Variants in ALDH18A1 observed in about 807,000 individuals in gnomAD.
ALDH18A1 encodes the protein delta-1-pyrroline-5-carboxylate synthase.
Under a neutral mutation model 88.8 loss-of-function variants are expected in ALDH18A1, and 44 were observed. The ratio of observed to expected loss-of-function variants is 0.50; its 90% CI spans 0.39 to 0.64. The LOEUF (loss-of-function observed/expected upper bound fraction) is 0.64. Ranked by LOEUF, ALDH18A1 falls within the 30% of genes least tolerant of loss-of-function variation. ALDH18A1 has a pLI of 0.00. For missense variants in ALDH18A1, 782 were observed against 1,009.5 expected (o/e 0.77, Z 3.05); for synonymous variants, 331 against 372.1 (o/e 0.89, Z 1.27).
chr10:95,631,742 C>CAAAAAAA (rs71034341), intron 7 of ALDH18A1, among the ~76,000 whole-genome samples: 4 of 76,478 alleles, frequency 5.2e-5, no homozygotes, highest in East Asian at 4.0e-4. Context: ...GGCTCTGCCT[C>CAAAAAAA]AAAAAAAAAA....
chr10:95,640,350 C>T (rs1219763239), intron 3 of ALDH18A1, among the ~76,000 whole-genome samples: 2 of 146,838 alleles, frequency 1.4e-5, no homozygotes, highest in South Asian at 2.1e-4. Flanking sequence ...TCCCTTTTTT[C>T]TTTTTTTTTT....
rs1450216753 is a variant in ALDH18A1, at chr10:95,633,063, T to G, written c.718-14A>C. On this transcript the variant is annotated splice_polypyrimidine_tract_variant and intron_variant, in intron 6 of 17. Coordinates refer to ENST00000371224, the MANE Select transcript of ALDH18A1 (RefSeq NM_002860.4). ...AACACTAATAACCTAGAATGCAGAT[T>G]AAAAAGTCATAAGTGAGTGAGCTAA... The G allele has an allele frequency of 1.2e-6, 2 of 1,605,770 alleles. No individual in the cohort carries two copies. The highest frequency in any genetic ancestry group is 1.7e-6 in the Non-Finnish European group (2 of 1,172,676).
intron 17 of ALDH18A1, among the ~76,000 whole-genome samples, chr10:95,607,753 G>A (rs11188396): frequency 0.28 from 41,903 of 151,946 alleles, 6,697 homozygotes; most frequent in Admixed American, 0.39. Flanking sequence ...CTGGGGACAC[G>A]CTGGGTAGGA....
At chr10:95,638,221 C>T (rs1235553339) in intron 3 of ALDH18A1, among the ~76,000 whole-genome samples, 2 of 152,088 alleles carry the variant, frequency 1.3e-5, no homozygotes, top group Non-Finnish European at 2.9e-5. Flanking sequence ...CAGAGTCTCA[C>T]TATGTTGCCC....
In ALDH18A1 at chr10:95,611,463, G is replaced by C. The variant is rs773020132; in HGVS notation, c.1924-21C>G. On this transcript the variant is annotated intron_variant, in intron 15 of 17. Coordinates refer to ENST00000371224, the MANE Select transcript of ALDH18A1 (RefSeq NM_002860.4). ...TTTACCTGGAACAGAGGAAGTCCAG[G>C]GGCAACAACATAAAAACAACTGAAA... 6 of 1,613,126 alleles carry C rather than the reference G, an allele frequency of 3.7e-6. No individual in the cohort carries two copies. The East Asian group carries it at 8.9e-5, about 24-fold the overall frequency.
intron 5 of ALDH18A1, 26 bp from the exon 6 acceptor site, chr10:95,633,675 T>G (rs748133741): frequency 1.2e-6 from 2 of 1,613,052 alleles, no homozygotes; most frequent in Admixed American, 3.3e-5. Flanking sequence ...AGATGGAAAA[T>G]GCATGAGGGA....
At chr10:95,641,682 A>T (rs181027550) in intron 3 of ALDH18A1, among the ~76,000 whole-genome samples, 2 of 152,202 alleles carry the variant, frequency 1.3e-5, no homozygotes, top group East Asian at 3.9e-4. Flanking sequence ...TCTGTCACCA[A>T]GGCTGGAGTG....
Position 95,606,882 on chromosome 10 carries a change from T to C in ALDH18A1, c.2268A>G (p.Gly756=). 1.2e-6 allele frequency: 2 copies of C among 1,614,176 alleles called. No homozygotes were observed. The highest frequency in any genetic ancestry group is 2.2e-5 in the South Asian group (2 of 91,084). Residue 756 remains glycine, a synonymous_variant, in exon 18 of 18, where the codon GGA becomes GGG. Transcript: ENST00000371224. ...IHARGPVGLE[G]LLTTKWLLRG... ...GCAGCAGCCACTTAGTAGTAAGCAGTCCCTCAAGTCCTACTGGTCCCCGGG... is the reference window on the plus strand; with the variant it reads ...GCAGCAGCCACTTAGTAGTAAGCAGCCCCTCAAGTCCTACTGGTCCCCGGG...
chr10:95,632,614 T>C (rs926648380), intron 7 of ALDH18A1, among the ~76,000 whole-genome samples: 1 of 152,230 alleles, frequency 6.6e-6, no homozygotes, highest in Non-Finnish European at 1.5e-5. Context: ...TCCTCCCGCT[T>C]TGGCCTCCCA....
At chr10:95,615,963 TAGTAGGTACTCAACA>T (rs1566001508) in intron 13 of ALDH18A1, among the ~76,000 whole-genome samples, 22 of 152,186 alleles carry the variant, frequency 1.4e-4, no homozygotes, top group Admixed American at 4.6e-4. Context: ...GCCTTGCACA[TAGTAGGTACTCAACA>T]AGTAGTAGCT....
At chr10:95,631,286 C>T (rs1352286402) in intron 7 of ALDH18A1, among the ~76,000 whole-genome samples, 1 of 152,112 alleles carries the variant, frequency 6.6e-6, no homozygotes, top group East Asian at 1.9e-4. Context: ...TAGACTTCTA[C>T]AGTGGCTCCA....
intron 15 of ALDH18A1, among the ~76,000 whole-genome samples, chr10:95,612,211 C>G (rs1221216301): frequency 6.6e-6 from 1 of 152,180 alleles, no homozygotes; most frequent in Non-Finnish European, 1.5e-5. Context: ...TGGTCAGGTG[C>G]TTTCAGCACC....
At chr10:95,650,504 A>C (rs2097908903) in intron 2 of ALDH18A1, among the ~76,000 whole-genome samples, 1 of 152,190 alleles carries the variant, frequency 6.6e-6, no homozygotes, top group East Asian at 1.9e-4. Flanking sequence ...GGAATGCATG[A>C]GTCCTCACTC....
intron 2 of ALDH18A1, among the ~76,000 whole-genome samples, chr10:95,647,619 T>C (rs1434164567): frequency 6.6e-6 from 1 of 152,258 alleles, no homozygotes; most frequent in African/African-American, 2.4e-5. Flanking sequence ...AATTTGATTG[T>C]GGGTTGTAAG....
In ALDH18A1 at chr10:95,636,512, C is replaced by T. The variant is rs995352945; in HGVS notation, c.558+581G>A. Among the ~76,000 whole-genome samples, 14 of 152,250 alleles carry T rather than the reference C, an allele frequency of 9.2e-5. No homozygotes were observed. The East Asian group carries it at 2.3e-3, about 25-fold the overall frequency. On this transcript the variant is annotated intron_variant, in intron 5 of 17. Transcript: ENST00000371224. ...GGGTAGCCACCAAAAATTCGTAAGT[C>T]CCATGAGGACTGGAATCATGTCTGA...
chr10:95,633,653 A>C lies in ALDH18A1; in HGVS notation c.559-4T>G. ...AATCCAAATTGGTCACCAAAATCTA[A>C]AAGGATTAAATAGATGGAAAATGCA... On this transcript the variant is annotated splice_polypyrimidine_tract_variant and splice_region_variant and intron_variant, in intron 5 of 17. Coordinates refer to ENST00000371224, the MANE Select transcript of ALDH18A1 (RefSeq NM_002860.4). The C allele has an allele frequency of 6.2e-7, 1 of 1,613,962 alleles. No individual in the cohort carries two copies. Among genetic ancestry groups the C allele is most frequent in the East Asian group, 2.2e-5 (1 of 44,874 alleles).
At chr10:95,654,701 C>T (rs938588958) in intron 1 of ALDH18A1, among the ~76,000 whole-genome samples, 5 of 150,364 alleles carry the variant, frequency 3.3e-5, no homozygotes, top group Non-Finnish European at 7.4e-5. Flanking sequence ...AAACATATGG[C>T]ATCTAGTAGG....
chr10:95,611,378 G>A lies in ALDH18A1; in HGVS notation c.1988C>T (p.Ser663Leu). ...CAGGTCCCCATACTCAGTTCGGAGT[G>A]ACTTCACTTCGGAGGGGCTGAAGGT... ...YLTFSPSEVKSLRTEYGDLEL... is the reference protein window; with the variant it reads ...YLTFSPSEVKLLRTEYGDLEL... The change falls in exon 16 of 18, where the codon TCA (serine) becomes TTA (leucine). Residue 663 changes from serine to leucine, a missense_variant. Coordinates refer to ENST00000371224, the MANE Select transcript of ALDH18A1 (RefSeq NM_002860.4). The A allele has an allele frequency of 6.2e-7, 1 of 1,614,220 alleles. No individual in the cohort carries two copies. The highest frequency in any genetic ancestry group is 8.5e-7 in the Non-Finnish European group (1 of 1,180,028).
intron 3 of ALDH18A1, among the ~76,000 whole-genome samples, chr10:95,638,788 C>G (rs1267898473): frequency 6.6e-6 from 1 of 152,214 alleles, no homozygotes; most frequent in Non-Finnish European, 1.5e-5. Context: ...TATTCCTAAA[C>G]TGTCCTTTCC....
Sources: allele counts gnomAD v4.1 joint callset (sites outside exome capture counted in the v4.1 genomes callset), GRCh38; gene constraint gnomAD v4.1.1; transcripts MANE v1.5; gene names NCBI Gene and HGNC (gene_info 2026-07-23, HGNC 2026-07-21).